The following URI1 variants were observed in gnomAD, a reference collection of about 807,000 sequenced individuals.
URI1 encodes the protein unconventional prefoldin RPB5 interactor 1.
URI1 carries 39 observed loss-of-function variants against 60.2 expected under a neutral mutation model. The ratio of observed to expected loss-of-function variants is 0.65; its 90% CI spans 0.50 to 0.85. The LOEUF (loss-of-function observed/expected upper bound fraction) is 0.85, where lower values mean the gene tolerates loss of function less well. Ranked by LOEUF, URI1 falls within the 40% of genes least tolerant of loss-of-function variation. URI1 has a pLI of 0.00. For synonymous variants in URI1, 251 were observed against 236.8 expected, an observed-to-expected ratio of 1.06 and a Z score of -0.55; for missense variants, 691 against 665.9, an observed-to-expected ratio of 1.04 and a Z score of -0.42.
At chr19:29,939,152 T>A (rs2054999323), upstream of URI1, among the ~76,000 whole-genome samples, 1 of 151,812 alleles carries the variant, frequency 6.6e-6, no homozygotes, top group South Asian at 2.1e-4. Context: ...TAATTTTGTA[T>A]TTTTAGTAGA....
rs149837931 is a variant in URI1, at chr19:29,967,117, C to T, written c.118-4076C>T. On this transcript the variant is annotated intron_variant, in intron 1 of 10. Coordinates refer to ENST00000392271, the MANE Select transcript of URI1 (RefSeq NM_003796.3). ...GTACTGGAGATCTTACTGCATGTTA[C>T]TGCTCTCCTTTATAAAATAATTTTT... Among the ~76,000 whole-genome samples the T allele has an allele frequency of 2.9e-3, 446 of 152,314 alleles. 3 individuals are homozygous for T. Among genetic ancestry groups the T allele is most frequent in the African/African-American group, 0.01 (418 of 41,560 alleles).
At chr19:29,956,996 G>A in intron 1 of URI1, 2 of 752,870 alleles carry the variant, frequency 2.7e-6, no homozygotes, top group Non-Finnish European at 4.5e-6. Context: ...CATTCTCACA[G>A]TAAACGCAGC....
At chr19:29,950,631 T>C (rs1047087345) in intron 1 of URI1, among the ~76,000 whole-genome samples, 1 of 152,188 alleles carries the variant, frequency 6.6e-6, no homozygotes, top group Non-Finnish European at 1.5e-5. Context: ...TCAATAATAC[T>C]GAAGCACTTA....
At chr19:29,975,090 T>C (rs561709814) in intron 2 of URI1, among the ~76,000 whole-genome samples, 10 of 151,954 alleles carry the variant, frequency 6.6e-5, no homozygotes, top group African/African-American at 2.4e-4. Flanking sequence ...TTTTGGGTGG[T>C]CTGTATTCAG....
chr19:30,006,037 T>C (rs2055938303), intron 6 of URI1, among the ~76,000 whole-genome samples: 1 of 152,142 alleles, frequency 6.6e-6, no homozygotes, highest in Non-Finnish European at 1.5e-5. Flanking sequence ...CTGACCATGG[T>C]GAAGTCCTAA....
chr19:29,966,876 A>G (rs2055397691), intron 1 of URI1, among the ~76,000 whole-genome samples: 2 of 152,244 alleles, frequency 1.3e-5, no homozygotes, highest in South Asian at 4.1e-4. Flanking sequence ...TAACCCATAC[A>G]GGAAGAATTT....
intron 10 of URI1, among the ~76,000 whole-genome samples, chr19:30,013,130 A>G (rs2056044105): frequency 6.6e-6 from 1 of 152,216 alleles, no homozygotes; most frequent in African/African-American, 2.4e-5. Flanking sequence ...GAAATCCCCA[A>G]ATAAGGATGT....
intron 2 of URI1, among the ~76,000 whole-genome samples, chr19:29,980,922 CAA>C (rs5827686): frequency 2.7e-3 from 182 of 68,578 alleles, no homozygotes; most frequent in Middle Eastern, 6.4e-3. Flanking sequence ...ACTCCATCTC[CAA>C]AAAAAAAAAA....
chr19:29,926,228 CCT>C (rs745607776), intron 1 of URI1, among the ~76,000 whole-genome samples: 74 of 147,236 alleles, frequency 5.0e-4, no homozygotes, highest in South Asian at 3.3e-3. Flanking sequence ...TCTCTTTCTT[CCT>C]CTCTCCTTCC....
chr19:29,942,039 CAAA>C (rs10534644), upstream of URI1, among the ~76,000 whole-genome samples: 137,633 of 147,742 alleles, frequency 0.93, 64,200 homozygotes, highest in East Asian at 1. Flanking sequence ...TACGTAATCT[CAAA>C]AAAAAAAAAA....
chr19:29,976,801 A>AAAT (rs2055528583), intron 2 of URI1, among the ~76,000 whole-genome samples: 1 of 152,214 alleles, frequency 6.6e-6, no homozygotes, highest in African/African-American at 2.4e-5. Flanking sequence ...CCTTTATTTT[A>AAAT]AAAGGATTTT....
intron 1 of URI1, among the ~76,000 whole-genome samples, chr19:29,929,940 C>CTTT (rs201789370): frequency 3.7e-5 from 5 of 136,260 alleles, no homozygotes; most frequent in African/African-American, 8.2e-5. Flanking sequence ...GACAGTGTCT[C>CTTT]TTTTTTTTTT....
Position 30,015,393 on chromosome 19 carries a change from A to C in URI1, c.*324A>C. Reference sequence around the variant, plus strand: ...TGTTTTTGTGTTTCAAACTAAATACAGGCAGTTTTGTGCCAGCTGTGATAT... The same window carrying C: ...TGTTTTTGTGTTTCAAACTAAATACCGGCAGTTTTGTGCCAGCTGTGATAT... On this transcript the variant is annotated 3_prime_UTR_variant, in exon 11 of 11. Transcript: ENST00000392271. 1 of 1,436,536 alleles carries C rather than the reference A, an allele frequency of 7.0e-7. No homozygotes were observed. Among genetic ancestry groups the C allele is most frequent in the East Asian group, 2.5e-5 (1 of 39,978 alleles). 89.0% of individuals were successfully genotyped at this position (1,436,536 alleles called of 1,614,324 possible).
At chr19:29,933,814 T>G (rs1230378450) in intron 1 of URI1, among the ~76,000 whole-genome samples, 2 of 79,522 alleles carry the variant, frequency 2.5e-5, no homozygotes, top group Admixed American at 3.1e-4. Context: ...AGAGTGAGAC[T>G]CGATCTCTTT....
At chr19:29,977,753 C>T (rs563904336) in intron 2 of URI1, among the ~76,000 whole-genome samples, 4 of 151,154 alleles carry the variant, frequency 2.6e-5, no homozygotes, top group Admixed American at 6.6e-5. Flanking sequence ...TTAGTACATG[C>T]GCTAGTGATT....
intron 1 of URI1, among the ~76,000 whole-genome samples, chr19:29,952,131 T>G (rs1209872650): frequency 1.3e-5 from 2 of 152,256 alleles, no homozygotes; most frequent in Non-Finnish European, 2.9e-5. Context: ...TCCTGTTTAC[T>G]GTTTATATTT....
chr19:29,980,239 G>C (rs915710823), intron 2 of URI1: 1 of 151,914 alleles, frequency 6.6e-6, no homozygotes, highest in African/African-American at 2.4e-5. Context: ...CAATCAGAAA[G>C]GCATGCTATG....
intron 1 of URI1, among the ~76,000 whole-genome samples, chr19:29,946,812 G>GT (rs2055108532): frequency 6.6e-6 from 1 of 152,192 alleles, no homozygotes; most frequent in Non-Finnish European, 1.5e-5. Flanking sequence ...TATTTAATGA[G>GT]TATCTACTAC....
chr19:29,961,319 C>T (rs1382984230), intron 1 of URI1, among the ~76,000 whole-genome samples: 1 of 150,868 alleles, frequency 6.6e-6, no homozygotes, highest in African/African-American at 2.4e-5. Context: ...TCTATTCTTC[C>T]CCTTCCTGAT....
Sources: allele counts gnomAD v4.1 joint callset (sites outside exome capture counted in the v4.1 genomes callset), GRCh38; gene constraint gnomAD v4.1.1; transcripts MANE v1.5; gene names NCBI Gene and HGNC (gene_info 2026-07-23, HGNC 2026-07-21).